COL26A1: variants seen among roughly 807,000 people sequenced by gnomAD.
COL26A1 encodes the protein collagen type XXVI alpha 1 chain, also known as collagen alpha-1(XXVI) chain.
A neutral mutation model predicts 59.3 loss-of-function variants in COL26A1; 41 were observed. The ratio of observed to expected loss-of-function variants is 0.69; its 90% CI spans 0.54 to 0.90. The LOEUF (loss-of-function observed/expected upper bound fraction) is 0.90. COL26A1 is among the 40% of genes least tolerant of loss of function. The pLI, the probability that COL26A1 is intolerant of heterozygous loss-of-function variation, is 0.00. For synonymous variants in COL26A1, 266 were observed against 256.0 expected (o/e 1.04, Z -0.37); for missense variants, 612 against 602.3 (o/e 1.02, Z -0.17).
At chr7:101,390,278 C>T (rs147462414) in intron 1 of COL26A1, among the ~76,000 whole-genome samples, 1 of 150,898 alleles carries the variant, frequency 6.6e-6, no homozygotes, top group African/African-American at 2.4e-5. Flanking sequence ...GCCTCAGCCT[C>T]CCGAGTAGCT....
chr7:101,362,900 C>T lies in COL26A1; in HGVS notation c.-133C>T, dbSNP rs527513598. On this transcript the variant is annotated 5_prime_UTR_variant, in exon 1 of 13. Transcript: ENST00000313669. ...GCCCCCCACACATTTCCAGCTCGCA[C>T]CCGGGCTCCGACCGCTCGCCCCGCT... The T allele has an allele frequency of 7.2e-5, 67 of 928,126 alleles. No homozygotes were observed. Among genetic ancestry groups the T allele is most frequent in the Admixed American group, 4.2e-4 (12 of 28,530 alleles). The allele number at this position is 928,126 out of a possible 1,614,324, so 57.5% of individuals were successfully genotyped here.
At chr7:101,389,565 T>C (rs771453026) in intron 1 of COL26A1, among the ~76,000 whole-genome samples, 3 of 151,836 alleles carry the variant, frequency 2.0e-5, no homozygotes, top group Non-Finnish European at 4.4e-5. Context: ...TATTTTATTT[T>C]ATTTTTTGAG....
At chr7:101,435,483 A>G (rs1422821149) in intron 2 of COL26A1, among the ~76,000 whole-genome samples, 1 of 151,850 alleles carries the variant, frequency 6.6e-6, no homozygotes, top group Non-Finnish European at 1.5e-5. Flanking sequence ...CAGACAAACC[A>G]TGCTTCCCTC....
intron 1 of COL26A1, among the ~76,000 whole-genome samples, chr7:101,376,475 C>T (rs1179140527): frequency 6.6e-6 from 1 of 152,086 alleles, no homozygotes. Flanking sequence ...GAGGAGTCTC[C>T]ATTCAAAGCA....
chr7:101,528,958 G>A (rs888489451), intron 3 of COL26A1, among the ~76,000 whole-genome samples: 3 of 152,128 alleles, frequency 2.0e-5, no homozygotes, highest in African/African-American at 7.2e-5. Flanking sequence ...TTGAGGTCAG[G>A]AGTTCGAGAC....
intron 1 of COL26A1, among the ~76,000 whole-genome samples, chr7:101,385,541 T>C (rs1791553027): frequency 6.6e-6 from 1 of 151,664 alleles, no homozygotes; most frequent in African/African-American, 2.4e-5. Flanking sequence ...CAGCTAATTT[T>C]TGTATTTTTA....
chr7:101,488,601 C>T (rs1200500724), intron 3 of COL26A1, among the ~76,000 whole-genome samples: 1 of 151,786 alleles, frequency 6.6e-6, no homozygotes, highest in Non-Finnish European at 1.5e-5. Flanking sequence ...GTCTCGAACC[C>T]CTGACCTCAG....
chr7:101,551,238 T>TTGGGGGGGGGGGG, intron 10 of COL26A1, 95 bp downstream of exon 10: 2 of 491,348 alleles, frequency 4.1e-6, no homozygotes, highest in East Asian at 5.2e-5. Context: ...GGTGGGGGGG[T>TTGGGGGGGGGGGG]TCAGCCCTGG....
chr7:101,434,712 G>A (rs1792874732), intron 2 of COL26A1, among the ~76,000 whole-genome samples: 1 of 152,210 alleles, frequency 6.6e-6, no homozygotes, highest in Non-Finnish European at 1.5e-5. Flanking sequence ...GCATGATGTG[G>A]ACAAGAATGC....
chr7:101,555,683 C>T, intron 11 of COL26A1, 104 bp from the exon 12 acceptor site: 2 of 727,818 alleles, frequency 2.7e-6, no homozygotes, highest in South Asian at 3.5e-5. Flanking sequence ...TGGGAAGAGG[C>T]AGGGGTGGGG....
At chr7:101,485,884 C>T (rs193222787) in intron 3 of COL26A1, among the ~76,000 whole-genome samples, 1 of 152,168 alleles carries the variant, frequency 6.6e-6, no homozygotes, top group East Asian at 1.9e-4. Context: ...AAAGTGATCT[C>T]AGCGGAGCCC....
chr7:101,411,100 G>A (rs1792231894), intron 1 of COL26A1, among the ~76,000 whole-genome samples: 1 of 152,184 alleles, frequency 6.6e-6, no homozygotes, highest in Non-Finnish European at 1.5e-5. Context: ...CTCAGATCCT[G>A]CTGGGGCTCA....
intron 3 of COL26A1, among the ~76,000 whole-genome samples, chr7:101,527,760 C>G (rs377111926): frequency 6.6e-6 from 1 of 151,750 alleles, no homozygotes; most frequent in African/African-American, 2.4e-5. Context: ...GGGTCCTAGA[C>G]GCTGGGAAAG....
At position 101,511,897 on chromosome 7, in the gene COL26A1, G is replaced by A. The variant is rs192074746; in HGVS notation, c.386-21185G>A. On this transcript the variant is annotated intron_variant, in intron 3 of 12. Transcript: ENST00000313669. Reference sequence around the variant, plus strand: ...AGTCCCAGCTACTCAGGAGGCTGAGGCGGGAGAATTGCTTGAGCCTACTTA... The same window carrying A: ...AGTCCCAGCTACTCAGGAGGCTGAGACGGGAGAATTGCTTGAGCCTACTTA... Among the ~76,000 whole-genome samples the A allele has an allele frequency of 4.1e-3, 625 of 152,276 alleles. 4 individuals are homozygous for A. The highest frequency in any genetic ancestry group is 6.8e-3 in the Middle Eastern group (2 of 294).
intron 1 of COL26A1, among the ~76,000 whole-genome samples, chr7:101,390,545 C>T (rs1318498088): frequency 6.6e-6 from 1 of 152,148 alleles, no homozygotes; most frequent in Non-Finnish European, 1.5e-5. Flanking sequence ...CCCACCTCTG[C>T]CTCCTGAGTA....
At chr7:101,481,884 G>C (rs975648109) in intron 3 of COL26A1, among the ~76,000 whole-genome samples, 2 of 152,050 alleles carry the variant, frequency 1.3e-5, no homozygotes, top group African/African-American at 2.4e-5. Context: ...TAGACAGTGG[G>C]AATATTGTCC....
At chr7:101,426,300 G>T (rs1045138433) in intron 2 of COL26A1, among the ~76,000 whole-genome samples, 1 of 152,076 alleles carries the variant, frequency 6.6e-6, no homozygotes, top group Non-Finnish European at 1.5e-5. Flanking sequence ...GCTCATAATG[G>T]CTTGTGTCAT....
intron 3 of COL26A1, among the ~76,000 whole-genome samples, chr7:101,481,606 A>G (rs148716867): frequency 1.9e-3 from 282 of 151,830 alleles, no homozygotes; most frequent in South Asian, 0.012. Context: ...GCATACCACC[A>G]CACCCAGCTG....
intron 9 of COL26A1, among the ~76,000 whole-genome samples, chr7:101,549,602 G>A (rs544577866): frequency 2.6e-5 from 4 of 152,164 alleles, no homozygotes; most frequent in Admixed American, 6.5e-5. Flanking sequence ...GGCTGGTCTC[G>A]AACATCCGAC....
Sources: gnomAD v4.1 joint callset for allele counts (sites outside exome capture counted in the v4.1 genomes callset) on GRCh38, gnomAD v4.1.1 for gene constraint, MANE v1.5 for transcripts, NCBI Gene and HGNC (gene_info 2026-07-23, HGNC 2026-07-21) for gene names.